The following WDR26 variants were observed in gnomAD, a reference collection of about 807,000 sequenced individuals.
WDR26 encodes the protein WD repeat domain 26.
A neutral mutation model predicts 84.1 loss-of-function variants in WDR26; 5 were observed. That is an observed-to-expected ratio of 0.06 (90% confidence interval 0.03 to 0.13). WDR26 has a LOEUF of 0.13. WDR26 is among the 10% of genes least tolerant of loss of function. The probability of loss-of-function intolerance (pLI) is 1.00; values close to 1 mark genes in which losing one functional copy is unlikely to be tolerated. For synonymous variants in WDR26, 415 were observed against 389.6 expected (o/e 1.07, Z -0.77); for missense variants, 642 against 974.9 (o/e 0.66, Z 4.55).
chr1:224,415,376 G>T (rs1673864030), intron 6 of WDR26, among the ~76,000 whole-genome samples: 1 of 151,242 alleles, frequency 6.6e-6, no homozygotes, highest in African/African-American at 2.4e-5. Context: ...GCTCTGGCCT[G>T]TATCTAGTTG....
In WDR26 at chr1:224,428,667, C is replaced by G. The variant is rs535959421; in HGVS notation, c.927+2810G>C. Among the ~76,000 whole-genome samples the G allele has an allele frequency of 2.0e-5, 3 of 151,648 alleles. No homozygotes were observed. In the South Asian group the frequency reaches 6.2e-4, roughly 32 times the overall value. On this transcript the variant is annotated intron_variant, in intron 3 of 13. Coordinates refer to ENST00000414423, the MANE Select transcript of WDR26 (RefSeq NM_001379403.1). ...ATCCCAGCACTCTGCGAGGCTGAGG[C>G]GGGTGGATCACCTGAGGTCAGGAGT...
chr1:224,392,630 T>C (rs978681539), intron 13 of WDR26, among the ~76,000 whole-genome samples: 1 of 152,126 alleles, frequency 6.6e-6, no homozygotes, highest in African/African-American at 2.4e-5. Context: ...GAATGTCAGG[T>C]AGTGATCTAT....
chr1:224,417,768 T>C (rs1380100150), intron 6 of WDR26, among the ~76,000 whole-genome samples: 1 of 152,204 alleles, frequency 6.6e-6, no homozygotes, highest in African/African-American at 2.4e-5. Flanking sequence ...ATTAAAATAG[T>C]AGGTATATTT....
chr1:224,397,962 A>G (rs929356121), intron 12 of WDR26, 135 bp downstream of exon 12: 19 of 1,060,986 alleles, frequency 1.8e-5, no homozygotes, highest in Middle Eastern at 3.0e-4. Flanking sequence ...ACAGAGAGAA[A>G]TTAACCGTGT....
chr1:224,434,229 CGAG>C lies in WDR26; in HGVS notation c.174_176del (p.Ser67del). The C allele has an allele frequency of 7.0e-6, 9 of 1,286,906 alleles. No homozygotes were observed. Among genetic ancestry groups the C allele is most frequent in the Non-Finnish European group, 8.0e-6 (8 of 1,002,714 alleles). 79.7% of individuals were successfully genotyped at this position (1,286,906 alleles called of 1,614,324 possible). ...CGGAGGAGGAGGAGGAGGAGGAGGA[CGAG>C]GACGACGAGGACGGAGGGGAGAGGC... On this transcript the variant is annotated inframe_deletion, in exon 1 of 14. Coordinates refer to ENST00000414423, the MANE Select transcript of WDR26 (RefSeq NM_001379403.1).
intron 12 of WDR26, among the ~76,000 whole-genome samples, chr1:224,395,757 G>GAGT (rs1449755622): frequency 6.6e-6 from 1 of 152,140 alleles, no homozygotes; most frequent in African/African-American, 2.4e-5. Flanking sequence ...TATATTCAAG[G>GAGT]AGCACATTTG....
At chr1:224,413,693 C>A (rs2102907542) in intron 6 of WDR26, among the ~76,000 whole-genome samples, 1 of 152,300 alleles carries the variant, frequency 6.6e-6, no homozygotes, top group South Asian at 2.1e-4. Flanking sequence ...GACTCCAAGA[C>A]CAGTTTTCTT....
chr1:224,405,458 G>A (rs552169557), intron 7 of WDR26, among the ~76,000 whole-genome samples: 10 of 152,222 alleles, frequency 6.6e-5, no homozygotes, highest in Middle Eastern at 3.4e-3. Flanking sequence ...TTTCTGGGTC[G>A]TATGCTAACT....
Position 224,434,516 on chromosome 1 carries a change from T to TGAGGGGGG in WDR26, c.-112_-111insCCCCCCTC, listed in dbSNP as rs1674544819. On this transcript the variant is annotated 5_prime_UTR_variant, in exon 1 of 14. Coordinates refer to ENST00000414423, the MANE Select transcript of WDR26 (RefSeq NM_001379403.1). ...GGGGGTCAGGGTAGGAGGGTGAGGG[T>TGAGGGGGG]GAGGGTGAGAGGAGGGGGAGGAGGA... is the stretch of plus-strand genomic sequence containing the variant. The TGAGGGGGG allele has an allele frequency of 6.1e-6, 1 of 164,340 alleles. No homozygotes were observed. The highest frequency in any genetic ancestry group is 7.2e-6 in the Non-Finnish European group (1 of 139,332). 10.2% of individuals were successfully genotyped at this position (164,340 alleles called of 1,614,324 possible).
chr1:224,434,026 C>A lies in WDR26; in HGVS notation c.380G>T (p.Gly127Val). The A allele has an allele frequency of 6.8e-7, 1 of 1,474,928 alleles. No individual in the cohort carries two copies. The highest frequency in any genetic ancestry group is 9.0e-7 in the Non-Finnish European group (1 of 1,117,128). The allele number at this position is 1,474,928 out of a possible 1,614,324, so 91.4% of individuals were successfully genotyped here. Residue 127 changes from glycine to valine, a missense_variant, in exon 1 of 14, where the codon GGA (glycine) becomes GTA (valine). By Grantham distance (109) the Gly-to-Val change is moderately radical. Transcript: ENST00000414423. ...CAAGCAGGCGAGTTCCGGGGTCTGT[C>A]CCTGGCCCCCGCCGCCCCCTCCTCC...
At chr1:224,432,398 C>T (rs936005426) in intron 1 of WDR26, among the ~76,000 whole-genome samples, 1 of 152,198 alleles carries the variant, frequency 6.6e-6, no homozygotes, top group African/African-American at 2.4e-5. Flanking sequence ...TTAGCATTTA[C>T]AAAATCTGTT....
Position 224,424,537 on chromosome 1 carries a change from G to T in WDR26, c.1045C>A (p.Arg349Ser). 6.2e-7 allele frequency: 1 copy of T among 1,613,942 alleles called. No individual in the cohort carries two copies. The highest frequency in any genetic ancestry group is 8.5e-7 in the Non-Finnish European group (1 of 1,179,880). Residue 349 changes from arginine to serine, a missense_variant, in exon 4 of 14, where the codon CGC becomes AGC. Arg to Ser is a moderately radical substitution (Grantham distance 110). This residue lies in a region of WDR26 where 351 missense variants were observed against 672.8 expected (regional missense o/e 0.52). Transcript: ENST00000414423. The stretch of plus-strand genomic sequence containing the variant: ...CCTTACCCACTAAGAACATGAATGC[G>T]CTCTGTATTGTATTTCAGCGGCGTC...
At position 224,387,296 on chromosome 1, in the gene WDR26, T is replaced by A. The variant is rs571116511; in HGVS notation, c.*2539A>T. The A allele has an allele frequency of 1.3e-5, 2 of 152,604 alleles. No homozygotes were observed. Among genetic ancestry groups the A allele is most frequent in the East Asian group, 3.8e-4 (2 of 5,202 alleles). 9.5% of individuals were successfully genotyped at this position (152,604 alleles called of 1,614,324 possible). On this transcript the variant is annotated 3_prime_UTR_variant, in exon 14 of 14. Coordinates refer to ENST00000414423, the MANE Select transcript of WDR26 (RefSeq NM_001379403.1). ...AGAAAATCCTGCGATCAGTTTCTCA[T>A]ACCATAAAATCCTAGGCTTCTTTAC...
At chr1:224,394,445 T>C (rs1223280013) in intron 12 of WDR26, among the ~76,000 whole-genome samples, 1 of 152,020 alleles carries the variant, frequency 6.6e-6, no homozygotes, top group Non-Finnish European at 1.5e-5. Context: ...AGGTATCAAG[T>C]ACTTAATGCA....
At chr1:224,423,476 T>C (rs943050818) in intron 4 of WDR26, among the ~76,000 whole-genome samples, 1 of 152,250 alleles carries the variant, frequency 6.6e-6, no homozygotes, top group Non-Finnish European at 1.5e-5. Context: ...CTGGGTGCAG[T>C]GGCTCATGCC....
Position 224,418,398 on chromosome 1 carries a change from A to G in WDR26, c.1181T>C (p.Val394Ala). 1.2e-6 allele frequency: 2 copies of G among 1,610,614 alleles called. No homozygotes were observed. The highest frequency in any genetic ancestry group is 1.7e-6 in the Non-Finnish European group (2 of 1,178,760). Residue 394 changes from valine to alanine, a missense_variant, in exon 6 of 14, where the codon GTG becomes GCG. Val to Ala is a moderately conservative substitution (Grantham distance 64). Transcript: ENST00000414423. ...CTGTAAACGCCGTGGGGGAAGCATC[A>G]CTGATGGTGGTAAATAGGCTTTAAT...
chr1:224,429,616 GAT>G (rs1283282040), intron 3 of WDR26: 4 of 152,184 alleles, frequency 2.6e-5, no homozygotes, highest in Non-Finnish European at 4.4e-5. Context: ...CTTAAAGTGA[GAT>G]AAAAGTTGGA....
chr1:224,405,902 G>A (rs1291008226), intron 7 of WDR26, among the ~76,000 whole-genome samples: 1 of 152,210 alleles, frequency 6.6e-6, no homozygotes, highest in African/African-American at 2.4e-5. Context: ...TTGGCTTTAG[G>A]AAGAGAACTA....
intron 12 of WDR26, chr1:224,397,597 A>G (rs1673300632): frequency 6.6e-6 from 1 of 152,398 alleles, no homozygotes. Flanking sequence ...AATCTTAAGA[A>G]TTATCAAACT....
Sources: gnomAD v4.1 joint callset for allele counts (sites outside exome capture counted in the v4.1 genomes callset) on GRCh38, gnomAD v4.1.1 for gene constraint, gnomAD v4.1.1 regional missense constraint, MANE v1.5 for transcripts, NCBI Gene and HGNC (gene_info 2026-07-23, HGNC 2026-07-21) for gene names.